Variants in RNF130 observed in about 807,000 individuals in gnomAD.
RNF130 encodes the protein E3 ubiquitin-protein ligase RNF130.
Under a neutral mutation model 44.6 loss-of-function variants are expected in RNF130, and 21 were observed. The ratio of observed to expected loss-of-function variants is 0.47; its 90% CI spans 0.33 to 0.68. The LOEUF is 0.68. Ranked by LOEUF, RNF130 falls within the 30% of genes least tolerant of loss-of-function variation. RNF130 has a pLI of 0.02. For missense variants in RNF130, 479 were observed against 560.6 expected, an observed-to-expected ratio of 0.85 and a Z score of 1.47; for synonymous variants, 214 against 210.4, an observed-to-expected ratio of 1.02 and a Z score of -0.15.
At chr5:180,065,831 TTC>T (rs1424114189) in intron 1 of RNF130, among the ~76,000 whole-genome samples, 1 of 152,048 alleles carries the variant, frequency 6.6e-6, no homozygotes, top group Non-Finnish European at 1.5e-5. Flanking sequence ...CCTTTATAGT[TTC>T]TCTCTTTTTT....
chr5:179,921,372 C>T (rs1018243991), intron 7 of RNF130, among the ~76,000 whole-genome samples: 2 of 152,204 alleles, frequency 1.3e-5, no homozygotes, highest in African/African-American at 4.8e-5. Flanking sequence ...TTGGCTCTTA[C>T]AAATAAAGTT....
At chr5:180,044,212 C>A (rs1456147005) in intron 1 of RNF130, among the ~76,000 whole-genome samples, 1 of 152,068 alleles carries the variant, frequency 6.6e-6, no homozygotes, top group Non-Finnish European at 1.5e-5. Flanking sequence ...GTTTTTCTTA[C>A]CTGCCAACTT....
intron 3 of RNF130, among the ~76,000 whole-genome samples, chr5:179,987,188 A>G (rs938545685): frequency 1.3e-5 from 2 of 150,894 alleles, no homozygotes; most frequent in African/African-American, 4.9e-5. Context: ...TTTCTTAGAG[A>G]CAGGGTCCCT....
chr5:180,000,837 G>A (rs922809539), intron 3 of RNF130, among the ~76,000 whole-genome samples: 1 of 152,100 alleles, frequency 6.6e-6, no homozygotes, highest in African/African-American at 2.4e-5. Context: ...GTTTCCATAC[G>A]ATCATAATTT....
At chr5:180,046,762 G>C (rs1308056960) in intron 1 of RNF130, among the ~76,000 whole-genome samples, 1 of 150,208 alleles carries the variant, frequency 6.7e-6, no homozygotes. Flanking sequence ...AGCCTCCTAA[G>C]ACTGAGTTGG....
chr5:179,952,720 T>C (rs775302967), downstream of RNF130, among the ~76,000 whole-genome samples: 1 of 152,204 alleles, frequency 6.6e-6, no homozygotes, highest in Non-Finnish European at 1.5e-5. Context: ...ATTCATAGGA[T>C]AGAATAGAAT....
chr5:180,027,848 T>C (rs1414243423), intron 2 of RNF130, among the ~76,000 whole-genome samples: 1 of 152,212 alleles, frequency 6.6e-6, no homozygotes, highest in African/African-American at 2.4e-5. Flanking sequence ...CATCATTCAC[T>C]GGGGCTCCGG....
chr5:180,031,949 A>G (rs564172132), intron 2 of RNF130, among the ~76,000 whole-genome samples: 1 of 152,330 alleles, frequency 6.6e-6, no homozygotes, highest in South Asian at 2.1e-4. Context: ...ATCATTCTAG[A>G]GGATGTGAAA....
At chr5:180,021,678 T>A (rs867848614) in intron 2 of RNF130, among the ~76,000 whole-genome samples, 1 of 152,092 alleles carries the variant, frequency 6.6e-6, no homozygotes, top group South Asian at 2.1e-4. Flanking sequence ...AAATATCATA[T>A]AAAAACTTTT....
At chr5:180,062,264 G>A (rs542542806) in intron 1 of RNF130, among the ~76,000 whole-genome samples, 1 of 152,092 alleles carries the variant, frequency 6.6e-6, no homozygotes, top group South Asian at 2.1e-4. Flanking sequence ...GTTTCACCAT[G>A]TTGGTCAGGA....
At chr5:180,012,345 A>G (rs3797764) in intron 3 of RNF130, among the ~76,000 whole-genome samples, 132,942 of 152,214 alleles carry the variant, frequency 0.87, 58,231 homozygotes, top group African/African-American at 0.94. Context: ...TTTTCTACAC[A>G]AAAAGTCTAG....
At chr5:179,970,344 T>C in intron 6 of RNF130, 66 bp downstream of exon 6, 1 of 1,202,014 alleles carries the variant, frequency 8.3e-7, no homozygotes. Context: ...GCCAATTATG[T>C]TATATTGTAT....
intron 7 of RNF130, among the ~76,000 whole-genome samples, chr5:179,932,574 CT>C (rs1302339907): frequency 6.6e-6 from 1 of 151,186 alleles, no homozygotes; most frequent in East Asian, 2.0e-4. Context: ...CTAATATTTT[CT>C]TAAAACATTT....
chr5:179,975,102 C>T (rs1399040283), intron 5 of RNF130, among the ~76,000 whole-genome samples: 1 of 151,980 alleles, frequency 6.6e-6, no homozygotes, highest in Non-Finnish European at 1.5e-5. Context: ...CGTGGGAAGA[C>T]GGTGAGGGAA....
chr5:179,978,000 C>A lies in RNF130; in HGVS notation c.848+203G>T, dbSNP rs890316652. ...GCCACATCGCATATTGGCTACACCT[C>A]GGAAGGCCGTGCAGCCCGCACCTGC... On this transcript the variant is annotated intron_variant, in intron 5 of 8. Transcript: ENST00000521389. The surrounding 1 kb of genome is among the most constrained non-coding windows in gnomAD (Gnocchi z 4.1). Among the ~76,000 whole-genome samples, 1 of 152,246 alleles carries A rather than the reference C, an allele frequency of 6.6e-6. No individual in the cohort carries two copies. Among genetic ancestry groups the A allele is most frequent in the African/African-American group, 2.4e-5 (1 of 41,472 alleles).
intron 7 of RNF130, among the ~76,000 whole-genome samples, chr5:179,920,789 A>ATTTT (rs1307574060): frequency 2.2e-5 from 3 of 135,232 alleles, no homozygotes; most frequent in Admixed American, 7.0e-5. Context: ...TTATATATAT[A>ATTTT]TATATATTTT....
intron 7 of RNF130, among the ~76,000 whole-genome samples, chr5:179,935,639 G>A (rs1296872128): frequency 2.6e-5 from 4 of 151,826 alleles, no homozygotes; most frequent in East Asian, 1.9e-4. Flanking sequence ...TGCTTGGCTC[G>A]CTGGTCCTAT....
chr5:180,049,615 G>C (rs1182047823), intron 1 of RNF130, among the ~76,000 whole-genome samples: 1 of 152,114 alleles, frequency 6.6e-6, no homozygotes, highest in Non-Finnish European at 1.5e-5. Context: ...CATTGTTTCA[G>C]TATACTTGGG....
At chr5:180,028,948 A>T (rs1348947857) in intron 2 of RNF130, among the ~76,000 whole-genome samples, 2 of 152,186 alleles carry the variant, frequency 1.3e-5, no homozygotes, top group Non-Finnish European at 2.9e-5. Context: ...GCATAAGAAA[A>T]ATTGTACAAC....
Sources: gnomAD v4.1 joint callset for allele counts (sites outside exome capture counted in the v4.1 genomes callset) on GRCh38, gnomAD v4.1.1 for gene constraint, Gnocchi (gnomAD v3.1) non-coding constraint, MANE v1.5 for transcripts, NCBI Gene and HGNC (gene_info 2026-07-23, HGNC 2026-07-21) for gene names.